The following BNC2 variants were observed in gnomAD, a reference collection of about 807,000 sequenced individuals.
BNC2 encodes zinc finger protein basonuclin-2.
In BNC2, 20 loss-of-function variants were observed where a neutral mutation model predicts 76.3. That is an observed-to-expected ratio of 0.26 (90% CI 0.18 to 0.38). The LOEUF is 0.38. BNC2 is among the 10% of genes least tolerant of loss of function. BNC2 has a pLI of 1.00. For missense variants in BNC2, 1,382 were observed against 1,399.8 expected (o/e 0.99, Z 0.20); for synonymous variants, 582 against 514.8 (o/e 1.13, Z -1.77).
intron 1 of BNC2, among the ~76,000 whole-genome samples, chr9:16,835,857 A>G (rs1818694288): frequency 6.6e-6 from 1 of 152,224 alleles, no homozygotes; most frequent in Admixed American, 6.5e-5. Context: ...ATTGGCGTCT[A>G]AAGTTGAATT....
chr9:16,559,262 T>G (rs1818937527), intron 4 of BNC2, among the ~76,000 whole-genome samples: 1 of 147,032 alleles, frequency 6.8e-6, no homozygotes, highest in South Asian at 2.3e-4. Flanking sequence ...CTTTCTTAAA[T>G]GAGATTTTTT....
intron 5 of BNC2, among the ~76,000 whole-genome samples, chr9:16,545,803 T>C (rs1286875118): frequency 6.6e-6 from 1 of 152,134 alleles, no homozygotes; most frequent in Non-Finnish European, 1.5e-5. Context: ...ACAGAGAACC[T>C]TCATCTTCTC....
intron 3 of BNC2, among the ~76,000 whole-genome samples, chr9:16,650,408 C>T (rs541610817): frequency 7.2e-5 from 11 of 152,068 alleles, no homozygotes; most frequent in Non-Finnish European, 1.5e-4. Flanking sequence ...TCTGTTTTTA[C>T]CTATTCTTTA....
chr9:16,505,881 G>A (rs959328238), intron 5 of BNC2, among the ~76,000 whole-genome samples: 2 of 152,112 alleles, frequency 1.3e-5, no homozygotes, highest in African/African-American at 2.4e-5. Flanking sequence ...ACATTTGTAG[G>A]ACAGTCACAG....
At chr9:16,511,430 T>TC (rs1822753620) in intron 5 of BNC2, among the ~76,000 whole-genome samples, 1 of 143,114 alleles carries the variant, frequency 7.0e-6, no homozygotes, top group East Asian at 2.0e-4. Flanking sequence ...CTTTTTTTTT[T>TC]TTTTTTTTTT....
intron 2 of BNC2, 58 bp from the exon 3 acceptor site, chr9:16,728,055 G>A (rs1274832504): frequency 1.5e-6 from 2 of 1,333,344 alleles, no homozygotes; most frequent in African/African-American, 1.5e-5. Context: ...GGAGTGTAGT[G>A]TAGTTAAGAA....
rs182933689 is a variant in BNC2 at position 16,412,187 on chromosome 9, A to G, written c.*6802T>C. 1 of 152,748 alleles carries G rather than the reference A, an allele frequency of 6.5e-6. No individual in the cohort carries two copies. The highest frequency in any genetic ancestry group is 1.9e-4 in the East Asian group (1 of 5,180). The allele number at this position is 152,748 out of a possible 1,614,324, so 9.5% of individuals were successfully genotyped here. A position where few individuals can be genotyped will look rare whatever the true frequency, so the allele number is the denominator to read the frequency against. On this transcript the variant is annotated 3_prime_UTR_variant, in exon 7 of 7. Coordinates refer to ENST00000380672, the MANE Select transcript of BNC2 (RefSeq NM_017637.6). ...AGGGTGGTCCTTGTTTTAACGATTA[A>G]AGTCAAAAGCCTGACGCCATCTTTT...
At chr9:16,627,029 C>T (rs1821016921) in intron 3 of BNC2, among the ~76,000 whole-genome samples, 1 of 152,170 alleles carries the variant, frequency 6.6e-6, no homozygotes, top group Non-Finnish European at 1.5e-5. Flanking sequence ...CACCTTTTTA[C>T]GCTCTGTTAC....
At chr9:16,754,778 G>T (rs771524605) in intron 1 of BNC2, among the ~76,000 whole-genome samples, 31 of 152,064 alleles carry the variant, frequency 2.0e-4, no homozygotes, top group Non-Finnish European at 3.8e-4. Context: ...GGCTGCTCTC[G>T]AACTCCTCAC....
intron 1 of BNC2, among the ~76,000 whole-genome samples, chr9:16,753,079 G>C (rs563848804): frequency 6.6e-6 from 1 of 152,310 alleles, no homozygotes; most frequent in African/African-American, 2.4e-5. Context: ...ACCTGAAACT[G>C]TGTATTTTAA....
In BNC2 at chr9:16,607,664, T is replaced by C. The variant is rs11795333; in HGVS notation, c.331-24579A>G. Among the ~76,000 whole-genome samples, 639 of 152,320 alleles carry C rather than the reference T, an allele frequency of 4.2e-3. 9 individuals are homozygous for C. Among genetic ancestry groups the C allele is most frequent in the Non-Finnish European group, 3.5e-3 (235 of 68,026 alleles). ...AGCATAGTGTGCTAATGTATTTGTA[T>C]ATGCTACACGGATGCTTTCATTTTC... On this transcript the variant is annotated intron_variant, in intron 3 of 6. Transcript: ENST00000380672.
chr9:16,457,108 T>C (rs920031464), intron 5 of BNC2, among the ~76,000 whole-genome samples: 1 of 152,298 alleles, frequency 6.6e-6, no homozygotes, highest in Non-Finnish European at 1.5e-5. Flanking sequence ...TGCAGTAATA[T>C]GTAAATATGC....
At chr9:16,670,305 T>G (rs1314589409) in intron 3 of BNC2, among the ~76,000 whole-genome samples, 1 of 152,022 alleles carries the variant, frequency 6.6e-6, no homozygotes, top group Non-Finnish European at 1.5e-5. Flanking sequence ...AATATACATA[T>G]AGAATATAAA....
chr9:16,437,756 A>G (rs1234140999), intron 5 of BNC2, among the ~76,000 whole-genome samples: 3 of 152,210 alleles, frequency 2.0e-5, no homozygotes, highest in Non-Finnish European at 4.4e-5. Context: ...AATAATGTCA[A>G]AGCAAACAAA....
chr9:16,723,179 C>T (rs1351590516), intron 3 of BNC2, among the ~76,000 whole-genome samples: 1 of 151,938 alleles, frequency 6.6e-6, no homozygotes, highest in East Asian at 1.9e-4. Context: ...ACAAGATCAT[C>T]CAAACATACT....
intron 1 of BNC2, among the ~76,000 whole-genome samples, chr9:16,826,792 G>C (rs1022539891): frequency 1.3e-5 from 2 of 152,144 alleles, no homozygotes; most frequent in Non-Finnish European, 2.9e-5. Context: ...ATGGAAAATA[G>C]CCTAAAGACA....
intron 1 of BNC2, among the ~76,000 whole-genome samples, chr9:16,821,063 T>C (rs1044800438): frequency 4.0e-5 from 6 of 151,830 alleles, no homozygotes; most frequent in African/African-American, 1.5e-4. Flanking sequence ...TGAAACCCCA[T>C]CTCTACTAAA....
intron 1 of BNC2, among the ~76,000 whole-genome samples, chr9:16,813,860 G>A (rs1818117499): frequency 1.3e-5 from 2 of 152,092 alleles, no homozygotes; most frequent in Admixed American, 1.3e-4. Context: ...CCCAGTAAGT[G>A]TCCAGCAGAA....
chr9:16,694,607 C>A (rs2041129996), intron 3 of BNC2, among the ~76,000 whole-genome samples: 1 of 152,068 alleles, frequency 6.6e-6, no homozygotes, highest in Admixed American at 6.6e-5. Flanking sequence ...TACCTTCTGC[C>A]AAGGCTCATA....
Sources: allele counts gnomAD v4.1 joint callset (sites outside exome capture counted in the v4.1 genomes callset), GRCh38; gene constraint gnomAD v4.1.1; transcripts MANE v1.5; gene names NCBI Gene and HGNC (gene_info 2026-07-23, HGNC 2026-07-21).